Variants in TRAPPC12 observed in about 807,000 individuals in gnomAD.
The protein encoded by TRAPPC12 is trafficking protein particle complex subunit 12, also known as TPR repeat protein 15.
A neutral mutation model predicts 69.2 loss-of-function variants in TRAPPC12; 61 were observed. The ratio of observed to expected loss-of-function variants is 0.88; its 90% confidence interval spans 0.72 to 1.09. TRAPPC12 has a LOEUF of 1.09. Ranked by LOEUF, TRAPPC12 falls within the 50% of genes least tolerant of loss-of-function variation. The pLI is 0.00. For synonymous variants in TRAPPC12, 469 were observed against 438.9 expected, an observed-to-expected ratio of 1.07 and a Z score of -0.86; for missense variants, 1,101 against 1,016.4, an observed-to-expected ratio of 1.08 and a Z score of -1.13.
intron 5 of TRAPPC12, among the ~76,000 whole-genome samples, chr2:3,434,273 C>T (rs1171774290): frequency 6.6e-6 from 1 of 152,196 alleles, no homozygotes; most frequent in Non-Finnish European, 1.5e-5. Context: ...ACACACCTTA[C>T]CTGGAGCTCA....
At chr2:3,438,279 C>T (rs1572161253) in intron 5 of TRAPPC12, among the ~76,000 whole-genome samples, 1 of 117,510 alleles carries the variant, frequency 8.5e-6, no homozygotes, top group South Asian at 3.3e-4. Flanking sequence ...GGATAAATCC[C>T]CCCACCATCC....
At chr2:3,457,874 G>T (rs1326212680) in intron 7 of TRAPPC12, 181 bp downstream of exon 7, 1 of 1,436,880 alleles carries the variant, frequency 7.0e-7, no homozygotes, top group Non-Finnish European at 9.1e-7. Flanking sequence ...GGGTGATGCT[G>T]TGGGTGCAAC....
At chr2:3,458,055 TC>T (rs1558399463) in intron 7 of TRAPPC12, 66 of 362,718 alleles carry the variant, frequency 1.8e-4, no homozygotes, top group Middle Eastern at 3.9e-3. Flanking sequence ...GGCCTCTGCG[TC>T]GGGGACAGAG....
chr2:3,402,041 T>C, intron 3 of TRAPPC12, 148 bp downstream of exon 3: 1 of 586,456 alleles, frequency 1.7e-6, no homozygotes, highest in Admixed American at 2.8e-5. Flanking sequence ...GCCAGTCCTG[T>C]GCACCAAAAA....
At chr2:3,443,744 GCAAA>G (rs1186977733) in intron 5 of TRAPPC12, 31 bp from the exon 6 acceptor site, 1 of 1,571,910 alleles carries the variant, frequency 6.4e-7, no homozygotes, top group Non-Finnish European at 8.8e-7. Flanking sequence ...CTCAGTTATG[GCAAA>G]CAAACTCACT....
intron 4 of TRAPPC12, among the ~76,000 whole-genome samples, chr2:3,423,820 T>G (rs1662954406): frequency 6.6e-6 from 1 of 152,228 alleles, no homozygotes; most frequent in Non-Finnish European, 1.5e-5. Context: ...CTTTTAATCC[T>G]AAGTCTCTGG....
intron 3 of TRAPPC12, among the ~76,000 whole-genome samples, chr2:3,409,749 T>TTA (rs1661943652): frequency 1.1e-5 from 1 of 88,708 alleles, no homozygotes; most frequent in Non-Finnish European, 2.2e-5. Flanking sequence ...GACTTTGTCT[T>TTA]TAAAAAAAAA....
intron 7 of TRAPPC12, 25 bp from the exon 8 acceptor site, chr2:3,460,238 C>T (rs781695642): frequency 4.6e-6 from 4 of 873,064 alleles, no homozygotes; most frequent in Admixed American, 3.4e-5. Context: ...TATTTGTGCA[C>T]TTACAGGCTG....
At position 3,387,681 on chromosome 2, in the gene TRAPPC12, C is replaced by T. The variant is rs368311025; in HGVS notation, c.58C>T (p.Gln20Ter). The change falls in exon 2 of 12, where the codon CAG (glutamine) becomes TAG (stop). Residue 20 changes from glutamine to a stop codon, truncating the protein, a stop_gained. Coordinates refer to ENST00000324266, the MANE Select transcript of TRAPPC12 (RefSeq NM_016030.6). LOFTEE classifies it high-confidence loss of function. ...GGCCCCGGAGGCCCCGCACCCCCCT[C>T]AGCTCGCGCCTCCGGAGGAGCAGGG... is the stretch of plus-strand genomic sequence containing the variant. ...TPAPEAPHPP[Q>*]LAPPEEQGLL... is the part of the protein sequence containing the mutation. 2 of 1,559,970 alleles carry T rather than the reference C, an allele frequency of 1.3e-6. No homozygotes were observed. The highest frequency in any genetic ancestry group is 1.7e-6 in the Non-Finnish European group (2 of 1,152,238).
chr2:3,420,479 T>C (rs1662715168), intron 3 of TRAPPC12, among the ~76,000 whole-genome samples: 1 of 152,226 alleles, frequency 6.6e-6, no homozygotes, highest in African/African-American at 2.4e-5. Flanking sequence ...TTCATGTATC[T>C]TCTTTAATTG....
At chr2:3,465,085 A>G (rs35943409) in intron 8 of TRAPPC12, among the ~76,000 whole-genome samples, 6 of 152,330 alleles carry the variant, frequency 3.9e-5, no homozygotes, top group Non-Finnish European at 5.9e-5. Context: ...GACCTCCATC[A>G]CATACTCAGC....
At chr2:3,476,868 G>T (rs1666314913) in intron 9 of TRAPPC12, among the ~76,000 whole-genome samples, 1 of 152,188 alleles carries the variant, frequency 6.6e-6, no homozygotes, top group Non-Finnish European at 1.5e-5. Context: ...AACAGAGCTC[G>T]CTGTCACATT....
At chr2:3,466,991 A>T (rs369031729) in intron 9 of TRAPPC12, among the ~76,000 whole-genome samples, 1 of 152,228 alleles carries the variant, frequency 6.6e-6, no homozygotes, top group African/African-American at 2.4e-5. Context: ...ATTTTATTTC[A>T]GAGTCATATT....
In TRAPPC12 at chr2:3,477,676, CTAAA is replaced by C; in HGVS notation, c.1777-17_1777-14del. 2 of 1,542,688 alleles carry C rather than the reference CTAAA, an allele frequency of 1.3e-6. No homozygotes were observed. The highest frequency in any genetic ancestry group is 2.8e-5 in the African/African-American group (2 of 72,628). Reference sequence around the variant, plus strand: ...ATATTTCTTTTGTCAACTAAACTGACTAAATTTTGTCAAAGCAGATTGGAGACAT... The same window carrying C: ...ATATTTCTTTTGTCAACTAAACTGACTTTTGTCAAAGCAGATTGGAGACAT... On this transcript the variant is annotated splice_polypyrimidine_tract_variant and intron_variant, in intron 9 of 11. Coordinates refer to ENST00000324266, the MANE Select transcript of TRAPPC12 (RefSeq NM_016030.6).
At position 3,388,107 on chromosome 2, in the gene TRAPPC12, A is replaced by G; in HGVS notation, c.484A>G (p.Ile162Val). Residue 162 changes from isoleucine to valine, a missense_variant, in exon 2 of 12, where the codon ATC becomes GTC. Physicochemically the swap from Ile to Val is conservative, Grantham distance 29. Coordinates refer to ENST00000324266, the MANE Select transcript of TRAPPC12 (RefSeq NM_016030.6). Reference sequence around the variant, plus strand: ...TGCGGAGCCGGTCCCGGTGTGCACCATCTTCAGCCAGCGCGCGCCCCCAGC... The same window carrying G: ...TGCGGAGCCGGTCCCGGTGTGCACCGTCTTCAGCCAGCGCGCGCCCCCAGC... ...PVAEPVPVCT[I>V]FSQRAPPASG... 1 of 1,565,602 alleles carries G rather than the reference A, an allele frequency of 6.4e-7. No homozygotes were observed. Among genetic ancestry groups the G allele is most frequent in the Non-Finnish European group, 8.6e-7 (1 of 1,160,378 alleles).
In TRAPPC12 at chr2:3,407,558, G is replaced by C. The variant is rs780495018; in HGVS notation, c.1164+5665G>C. ...GACATCTATCATTGAAAATAGAGGA[G>C]GGGGGAGGCCGAGGCGGGCAGATCA... On this transcript the variant is annotated intron_variant, in intron 3 of 11. Transcript: ENST00000324266. Among the ~76,000 whole-genome samples, 42 of 152,142 alleles carry C rather than the reference G, an allele frequency of 2.8e-4. 1 individual carries two copies. Among genetic ancestry groups the C allele is most frequent in the Non-Finnish European group, 4.0e-4 (27 of 68,028 alleles).
At chr2:3,465,365 G>A (rs958872521) in intron 8 of TRAPPC12, among the ~76,000 whole-genome samples, 1 of 152,162 alleles carries the variant, frequency 6.6e-6, no homozygotes, top group African/African-American at 2.4e-5. Flanking sequence ...TGACAGGCAG[G>A]ACCCCGCCGT....
At chr2:3,418,218 C>T (rs1330655516) in intron 3 of TRAPPC12, among the ~76,000 whole-genome samples, 1 of 104,472 alleles carries the variant, frequency 9.6e-6, no homozygotes, top group Non-Finnish European at 1.9e-5. Context: ...CTGCTTCTGC[C>T]ACTCTGCACC....
chr2:3,457,497 T>C (rs1665221680), intron 6 of TRAPPC12, 124 bp from the exon 7 acceptor site: 2 of 701,632 alleles, frequency 2.9e-6, no homozygotes, highest in Non-Finnish European at 2.5e-6. Context: ...AAAGTATGTG[T>C]GAACATCCCT....
Sources: gnomAD v4.1 joint callset for allele counts (sites outside exome capture counted in the v4.1 genomes callset) on GRCh38, gnomAD v4.1.1 for gene constraint, MANE v1.5 for transcripts, NCBI Gene and HGNC (gene_info 2026-07-23, HGNC 2026-07-21) for gene names.